Variants in FOXN3 observed in about 807,000 individuals in gnomAD.
FOXN3 encodes the protein forkhead box protein N3.
Under a neutral mutation model 38.4 loss-of-function variants are expected in FOXN3, and 7 were observed. That is an observed-to-expected ratio of 0.18 (90% CI 0.10 to 0.34). The LOEUF is 0.34. FOXN3 is among the 10% of genes least tolerant of loss of function. FOXN3 has a pLI of 1.00. For missense variants in FOXN3, 456 were observed against 613.4 expected (o/e 0.74, Z 2.71); for synonymous variants, 230 against 242.2 (o/e 0.95, Z 0.47).
chr14:89,299,902 A>C (rs916935029), intron 3 of FOXN3, among the ~76,000 whole-genome samples: 8 of 152,184 alleles, frequency 5.3e-5, no homozygotes, highest in Non-Finnish European at 1.0e-4. Context: ...CTCCATCAAG[A>C]GCAAACACAT....
chr14:89,509,317 G>GTT (rs200825149), intron 1 of FOXN3, among the ~76,000 whole-genome samples: 1 of 114,282 alleles, frequency 8.8e-6, no homozygotes, highest in African/African-American at 2.6e-5. Flanking sequence ...ATTATATACA[G>GTT]TTTTTTTTGT....
intron 1 of FOXN3, among the ~76,000 whole-genome samples, chr14:89,546,969 G>A (rs1028402284): frequency 2.0e-5 from 3 of 151,890 alleles, no homozygotes; most frequent in Non-Finnish European, 2.9e-5. Context: ...ATTTTTAGTA[G>A]AGACGGGGTT....
chr14:89,202,173 G>A (rs1212113651), intron 4 of FOXN3, among the ~76,000 whole-genome samples: 1 of 152,088 alleles, frequency 6.6e-6, no homozygotes, highest in Admixed American at 6.6e-5. Context: ...AGAACTGGAG[G>A]GTGACTCTGA....
chr14:89,490,656 T>C (rs1035784794), intron 1 of FOXN3, among the ~76,000 whole-genome samples: 4 of 152,224 alleles, frequency 2.6e-5, no homozygotes, highest in Non-Finnish European at 5.9e-5. Flanking sequence ...ACCTGGTTTG[T>C]TCCATGAGTT....
intron 4 of FOXN3, among the ~76,000 whole-genome samples, chr14:89,255,175 T>A (rs900183859): frequency 5.3e-5 from 8 of 152,346 alleles, no homozygotes; most frequent in African/African-American, 1.9e-4. Flanking sequence ...CAGTGCATTG[T>A]GAAATGTCTT....
intron 4 of FOXN3, among the ~76,000 whole-genome samples, chr14:89,210,831 C>T (rs1884067358): frequency 6.6e-6 from 1 of 152,206 alleles, no homozygotes; most frequent in African/African-American, 2.4e-5. Flanking sequence ...AACACTCCAT[C>T]GACAGGGTAA....
chr14:89,312,726 A>G (rs1400682067), intron 3 of FOXN3, among the ~76,000 whole-genome samples: 2 of 152,198 alleles, frequency 1.3e-5, no homozygotes, highest in African/African-American at 4.8e-5. Flanking sequence ...TTACTTGTAG[A>G]GTAGATATAT....
At chr14:89,460,285 G>A (rs888211321) in intron 1 of FOXN3, among the ~76,000 whole-genome samples, 7 of 152,042 alleles carry the variant, frequency 4.6e-5, no homozygotes, top group Admixed American at 2.0e-4. Context: ...AATTAAATGC[G>A]AACATTCCTT....
intron 3 of FOXN3, among the ~76,000 whole-genome samples, chr14:89,286,769 G>A (rs1024159321): frequency 1.3e-4 from 20 of 152,288 alleles, no homozygotes; most frequent in Middle Eastern, 3.4e-3. Context: ...TTTGGAACAC[G>A]GCAACCAGAG....
At chr14:89,254,406 T>A (rs1191571774) in intron 4 of FOXN3, among the ~76,000 whole-genome samples, 3 of 151,456 alleles carry the variant, frequency 2.0e-5, no homozygotes, top group Non-Finnish European at 2.9e-5. Context: ...GTAAGGGAGG[T>A]GGGGAGAAGG....
Position 89,538,298 on chromosome 14 carries a change from G to A in FOXN3, c.-15+80730C>T, listed in dbSNP as rs192819937. ...AGTTCCTCCCCTCAAGGAGCATAAC[G>A]TACCCAGAGCGCACAGATGGCACAA... On this transcript the variant is annotated intron_variant, in intron 1 of 6. Transcript: ENST00000345097. 3.1e-3 allele frequency among the ~76,000 whole-genome samples: 479 copies of A among 152,266 alleles called. 3 individuals are homozygous for A. The highest frequency in any genetic ancestry group is 0.011 in the African/African-American group (466 of 41,552).
intron 4 of FOXN3, among the ~76,000 whole-genome samples, chr14:89,238,876 A>G (rs762898965): frequency 1.3e-5 from 2 of 152,188 alleles, no homozygotes; most frequent in Non-Finnish European, 2.9e-5. Flanking sequence ...ATAAACTACA[A>G]TTCTTGCTAT....
At chr14:89,345,780 G>A (rs370293241) in intron 3 of FOXN3, among the ~76,000 whole-genome samples, 62 of 152,326 alleles carry the variant, frequency 4.1e-4, no homozygotes, top group African/African-American at 4.3e-4. Flanking sequence ...CCTCCAGGCC[G>A]GGCACAGTGG....
At chr14:89,603,468 G>A (rs952122860) in intron 1 of FOXN3, among the ~76,000 whole-genome samples, 1 of 152,182 alleles carries the variant, frequency 6.6e-6, no homozygotes, top group Non-Finnish European at 1.5e-5. Flanking sequence ...GTGGTAACTT[G>A]AAAATAAGGA....
At chr14:89,496,045 T>A (rs1003437778) in intron 1 of FOXN3, among the ~76,000 whole-genome samples, 5 of 152,072 alleles carry the variant, frequency 3.3e-5, no homozygotes, top group African/African-American at 1.2e-4. Flanking sequence ...AAATCCCGTC[T>A]CTACTAAAAA....
intron 1 of FOXN3, among the ~76,000 whole-genome samples, chr14:89,430,232 C>A (rs1239547941): frequency 6.6e-6 from 1 of 152,016 alleles, no homozygotes; most frequent in Non-Finnish European, 1.5e-5. Context: ...TTTTTCCACT[C>A]TTTGAGAGGT....
intron 3 of FOXN3, among the ~76,000 whole-genome samples, chr14:89,322,849 A>G (rs1015402424): frequency 2.6e-5 from 4 of 152,192 alleles, no homozygotes; most frequent in Non-Finnish European, 4.4e-5. Context: ...TCGTGCTACT[A>G]TGGGCTGGGG....
chr14:89,176,920 A>AG (rs1037875913), intron 5 of FOXN3, among the ~76,000 whole-genome samples: 1 of 151,740 alleles, frequency 6.6e-6, no homozygotes, highest in Non-Finnish European at 1.5e-5. Flanking sequence ...CTTAAAACTG[A>AG]GGGGGGCAAG....
chr14:89,602,873 A>C (rs368645024), intron 1 of FOXN3, among the ~76,000 whole-genome samples: 2 of 152,322 alleles, frequency 1.3e-5, no homozygotes. Context: ...AGATTATACA[A>C]ACATAAAATG....
Sources: gnomAD v4.1 joint callset for allele counts (sites outside exome capture counted in the v4.1 genomes callset) on GRCh38, gnomAD v4.1.1 for gene constraint, MANE v1.5 for transcripts, NCBI Gene and HGNC (gene_info 2026-07-23, HGNC 2026-07-21) for gene names.